TRIO: variants seen among roughly 807,000 people sequenced by gnomAD.
TRIO encodes the protein triple functional domain protein.
Under a neutral mutation model 351.9 loss-of-function variants are expected in TRIO, and 58 were observed. That is an observed-to-expected ratio of 0.16 (90% CI 0.13 to 0.21). TRIO has a LOEUF of 0.21. Ranked by LOEUF, TRIO falls within the 10% of genes least tolerant of loss-of-function variation. The pLI is 1.00. For missense variants in TRIO, 3,201 were observed against 4,027.8 expected (o/e 0.79, Z 5.56); for synonymous variants, 1,758 against 1,595.7 (o/e 1.10, Z -2.42).
intron 11 of TRIO, among the ~76,000 whole-genome samples, chr5:14,343,501 T>C (rs978974936): frequency 6.6e-6 from 1 of 152,200 alleles, no homozygotes; most frequent in Non-Finnish European, 1.5e-5. Flanking sequence ...ATAAATGGAG[T>C]CATGCAGCAT....
At position 14,305,717 on chromosome 5, in the gene TRIO, C is replaced by T. The variant is rs193126771; in HGVS notation, c.1500+1125C>T. 9.8e-4 allele frequency among the ~76,000 whole-genome samples: 150 copies of T among 152,334 alleles called. 2 individuals carry two copies. Among genetic ancestry groups the T allele is most frequent in the African/African-American group, 3.3e-3 (138 of 41,572 alleles). On this transcript the variant is annotated intron_variant, in intron 8 of 56. Coordinates refer to ENST00000344204, the MANE Select transcript of TRIO (RefSeq NM_007118.4). ...CACTGCCCAGCTGTCACTCTCATAT[C>T]CTTGGGCCTGCCTGTCTTGACATCC...
intron 11 of TRIO, among the ~76,000 whole-genome samples, chr5:14,356,717 C>T (rs1232277340): frequency 2.0e-5 from 3 of 152,168 alleles, no homozygotes; most frequent in African/African-American, 7.2e-5. Context: ...CTGGAAATAA[C>T]CGAGATGCCC....
intron 18 of TRIO, among the ~76,000 whole-genome samples, chr5:14,370,726 A>G (rs1745033704): frequency 6.6e-6 from 1 of 152,204 alleles, no homozygotes; most frequent in Admixed American, 6.5e-5. Context: ...GTCATTAGTT[A>G]TAACTACGTC....
intron 34 of TRIO, among the ~76,000 whole-genome samples, chr5:14,449,608 C>T (rs992488910): frequency 3.3e-5 from 5 of 152,210 alleles, no homozygotes; most frequent in South Asian, 2.1e-4. Flanking sequence ...CTGCAGACCA[C>T]GTGTTTCTAA....
At chr5:14,235,638 C>T (rs558445196) in intron 1 of TRIO, among the ~76,000 whole-genome samples, 3 of 151,034 alleles carry the variant, frequency 2.0e-5, no homozygotes, top group East Asian at 1.9e-4. Flanking sequence ...GCTAGGTCTG[C>T]GGTGGTTGAA....
chr5:14,295,878 G>A (rs7713114), intron 6 of TRIO, among the ~76,000 whole-genome samples: 4,862 of 152,286 alleles, frequency 0.032, 279 homozygotes, highest in African/African-American at 0.11. Context: ...GATGCAGCCC[G>A]GAGATGTAAC....
chr5:14,165,359 G>A (rs1788704009), intron 1 of TRIO, among the ~76,000 whole-genome samples: 1 of 152,174 alleles, frequency 6.6e-6, no homozygotes, highest in Non-Finnish European at 1.5e-5. Context: ...GCGAGAACAT[G>A]CAGTATTTGG....
At chr5:14,440,869 T>C (rs1368799501) in intron 34 of TRIO, 1 of 152,234 alleles carries the variant, frequency 6.6e-6, no homozygotes, top group Non-Finnish European at 1.5e-5. Flanking sequence ...ATTGCAGCTC[T>C]GGCTAGTGCA....
chr5:14,430,617 C>T (rs1235432032), intron 34 of TRIO, among the ~76,000 whole-genome samples: 2 of 152,212 alleles, frequency 1.3e-5, no homozygotes, highest in African/African-American at 4.8e-5. Flanking sequence ...GCCTTGGAGT[C>T]TCTGTATAAT....
chr5:14,488,794 G>A (rs1756246042), intron 48 of TRIO: 8 of 599,020 alleles, frequency 1.3e-5, no homozygotes, highest in South Asian at 5.9e-5. Context: ...TGGGGGGAAA[G>A]AATCTGTCCA....
At chr5:14,348,744 T>TGTGTGTGTACGCACATGAGC (rs1742687056) in intron 11 of TRIO, among the ~76,000 whole-genome samples, 1 of 151,554 alleles carries the variant, frequency 6.6e-6, no homozygotes, top group Non-Finnish European at 1.5e-5. Flanking sequence ...GTTTTTCCTC[T>TGTGTGTGTACGCACATGAGC]GTGTGTGTAC....
In TRIO at chr5:14,496,995, T is replaced by A. The variant is rs774400283; in HGVS notation, c.7997T>A (p.Leu2666His). The A allele has an allele frequency of 6.2e-7, 1 of 1,614,202 alleles. No homozygotes were observed. The highest frequency in any genetic ancestry group is 8.5e-7 in the Non-Finnish European group (1 of 1,180,038). The change falls in exon 50 of 57, where the codon CTC becomes CAC. Residue 2666 changes from leucine to histidine, a missense_variant. By Grantham distance (99) the Leu-to-His change is moderately conservative. Transcript: ENST00000344204. ...ENGYRKSREGLSNKVSVKLLN... is the reference protein window; with the variant it reads ...ENGYRKSREGHSNKVSVKLLN... ...GGTTATCGGAAGTCACGGGAAGGAC[T>A]CAGCAACAAGGTATCTGTGAAGGTG...
chr5:14,300,140 T>G (rs1737752411), intron 7 of TRIO, among the ~76,000 whole-genome samples: 1 of 152,270 alleles, frequency 6.6e-6, no homozygotes, highest in African/African-American at 2.4e-5. Context: ...GCTTAGGGGC[T>G]CCAGCCTTCG....
At chr5:14,249,579 C>A (rs1581444258) in intron 1 of TRIO, among the ~76,000 whole-genome samples, 1 of 152,218 alleles carries the variant, frequency 6.6e-6, no homozygotes, top group East Asian at 1.9e-4. Context: ...GGCATAAACA[C>A]CTTGTTGGAT....
chr5:14,415,025 A>G (rs984317931), intron 33 of TRIO, among the ~76,000 whole-genome samples: 4 of 152,222 alleles, frequency 2.6e-5, no homozygotes, highest in Admixed American at 2.6e-4. Flanking sequence ...CCAAGTAATC[A>G]TTTTTTGGCC....
intron 56 of TRIO, among the ~76,000 whole-genome samples, 192 bp from the exon 57 acceptor site, chr5:14,507,688 C>A (rs968044302): frequency 3.4e-5 from 5 of 145,564 alleles, no homozygotes; most frequent in South Asian, 2.2e-4. Flanking sequence ...ATCTGGGTCC[C>A]AGCTCCGCTG....
At chr5:14,233,995 A>G (rs1005849266) in intron 1 of TRIO, among the ~76,000 whole-genome samples, 2 of 152,076 alleles carry the variant, frequency 1.3e-5, no homozygotes. Flanking sequence ...ACAGGGTGTC[A>G]CTGTTTCCCA....
chr5:14,326,736 G>C (rs1740427652), intron 9 of TRIO, among the ~76,000 whole-genome samples: 1 of 152,324 alleles, frequency 6.6e-6, no homozygotes, highest in East Asian at 1.9e-4. Flanking sequence ...ATAGATAAAG[G>C]CCTGTAATTT....
chr5:14,378,393 C>T (rs1418387739), intron 20 of TRIO, among the ~76,000 whole-genome samples: 1 of 152,056 alleles, frequency 6.6e-6, no homozygotes, highest in African/African-American at 2.4e-5. Context: ...GTAATAATGA[C>T]AAGGATTATT....
Sources: allele counts gnomAD v4.1 joint callset (sites outside exome capture counted in the v4.1 genomes callset), GRCh38; gene constraint gnomAD v4.1.1; transcripts MANE v1.5; gene names NCBI Gene and HGNC (gene_info 2026-07-23, HGNC 2026-07-21).